MED13: variants seen among roughly 807,000 people sequenced by gnomAD.
The protein encoded by MED13 is mediator of RNA polymerase II transcription subunit 13.
A neutral mutation model predicts 225.2 loss-of-function variants in MED13; 23 were observed. The ratio of observed to expected loss-of-function variants is 0.10; its 90% confidence interval spans 0.07 to 0.14. The LOEUF (loss-of-function observed/expected upper bound fraction) is 0.14, where lower values mean the gene tolerates loss of function less well. Ranked by LOEUF, MED13 falls within the 10% of genes least tolerant of loss-of-function variation. MED13 has a pLI of 1.00. For synonymous variants in MED13, 942 were observed against 889.2 expected, an observed-to-expected ratio of 1.06 and a Z score of -1.06; for missense variants, 2,197 against 2,594.5, an observed-to-expected ratio of 0.85 and a Z score of 3.33.
chr17:62,015,626 T>G (rs1180360177), intron 8 of MED13, among the ~76,000 whole-genome samples: 1 of 150,622 alleles, frequency 6.6e-6, no homozygotes, highest in African/African-American at 2.4e-5. Flanking sequence ...CAGGCTGGAG[T>G]GCAGTGGCGT....
intron 27 of MED13, among the ~76,000 whole-genome samples, 185 bp downstream of exon 27, chr17:61,952,780 G>A (rs372638295): frequency 6.6e-6 from 1 of 152,152 alleles, no homozygotes; most frequent in Non-Finnish European, 1.5e-5. Flanking sequence ...GGGACTACAG[G>A]TGCGTGCCAC....
At chr17:62,040,472 A>G (rs1295879030) in intron 3 of MED13, among the ~76,000 whole-genome samples, 1 of 152,208 alleles carries the variant, frequency 6.6e-6, no homozygotes, top group African/African-American at 2.4e-5. Flanking sequence ...GAAAATGAAG[A>G]CGTGCTTATA....
At chr17:61,988,071 CG>C (rs1225521531) in intron 11 of MED13, among the ~76,000 whole-genome samples, 3 of 151,954 alleles carry the variant, frequency 2.0e-5, no homozygotes, top group Non-Finnish European at 4.4e-5. Context: ...GAAATGTAAA[CG>C]AAGAACAGAA....
chr17:61,957,248 T>C (rs964010223), intron 23 of MED13, among the ~76,000 whole-genome samples: 3 of 152,172 alleles, frequency 2.0e-5, no homozygotes, highest in Non-Finnish European at 2.9e-5. Flanking sequence ...GGTTTCACCA[T>C]GTTGGCCAGG....
intron 22 of MED13, 57 bp from the exon 23 acceptor site, chr17:61,961,147 ATTT>A: frequency 7.5e-7 from 1 of 1,338,500 alleles, no homozygotes; most frequent in African/African-American, 1.5e-5. Context: ...GAAATATTGC[ATTT>A]AAAATGTAAT....
chr17:61,967,265 C>A (rs570899572), intron 18 of MED13, among the ~76,000 whole-genome samples: 12 of 152,164 alleles, frequency 7.9e-5, no homozygotes, highest in Admixed American at 7.2e-4. Flanking sequence ...ATATAATATA[C>A]AATGTTTCCC....
intron 23 of MED13, among the ~76,000 whole-genome samples, chr17:61,960,143 T>TAA (rs1430914890): frequency 6.6e-6 from 1 of 152,214 alleles, no homozygotes; most frequent in East Asian, 1.9e-4. Context: ...CTTGAAATGT[T>TAA]TATTAAGTGA....
chr17:62,046,299 C>G (rs1334590522), intron 3 of MED13, among the ~76,000 whole-genome samples: 1 of 152,086 alleles, frequency 6.6e-6, no homozygotes, highest in Non-Finnish European at 1.5e-5. Flanking sequence ...TAAGAAAGTT[C>G]CTGTAAAAAA....
intron 19 of MED13, 151 bp downstream of exon 19, chr17:61,966,311 T>C (rs2080057341): frequency 1.6e-6 from 1 of 631,262 alleles, no homozygotes; most frequent in South Asian, 2.2e-5. Flanking sequence ...TGAAAACTAC[T>C]CAGCTCCAAT....
chr17:61,992,938 TG>T (rs2080312959), intron 10 of MED13, among the ~76,000 whole-genome samples: 1 of 152,166 alleles, frequency 6.6e-6, no homozygotes, highest in Non-Finnish European at 1.5e-5. Context: ...AGCTAATTTT[TG>T]TATTTTTAGT....
chr17:62,052,733 AAT>A (rs746114106), intron 2 of MED13, 28 bp from the exon 3 acceptor site: 2 of 1,519,600 alleles, frequency 1.3e-6, no homozygotes, highest in African/African-American at 2.8e-5. Flanking sequence ...GAAATAATAA[AAT>A]AGTGACACTA....
intron 16 of MED13, among the ~76,000 whole-genome samples, chr17:61,976,984 C>T (rs968376831): frequency 6.6e-6 from 1 of 152,144 alleles, no homozygotes; most frequent in African/African-American, 2.4e-5. Flanking sequence ...ACAAACTATA[C>T]TTTGTAGACT....
rs558829996 is a variant in MED13 at position 61,973,545 on chromosome 17, A to T, written c.3806-657T>A. On this transcript the variant is annotated intron_variant, in intron 16 of 29. Coordinates refer to ENST00000397786, the MANE Select transcript of MED13 (RefSeq NM_005121.3). Reference sequence around the variant, plus strand: ...TGGCTAAAGGAAAAATCACTAAAAGATATTGATATAATAAATGTGGCCCCC... The same window carrying T: ...TGGCTAAAGGAAAAATCACTAAAAGTTATTGATATAATAAATGTGGCCCCC... Among the ~76,000 whole-genome samples the T allele has an allele frequency of 1.5e-3, 236 of 152,340 alleles. 1 individual carries two copies. The highest frequency in any genetic ancestry group is 0.01 in the Middle Eastern group (3 of 294).
chr17:62,037,955 CAAAAAAAAAAA>C lies in MED13; in HGVS notation c.471-2358_471-2348del, dbSNP rs397857634. 1.7e-4 allele frequency among the ~76,000 whole-genome samples: 11 copies of C among 64,762 alleles called. 1 individual carries two copies. The highest frequency in any genetic ancestry group is 9.7e-4 in the East Asian group (2 of 2,066). The allele number at this position is 64,762 out of a possible 152,430, so 42.5% of individuals were successfully genotyped here. On this transcript the variant is annotated intron_variant, in intron 3 of 29. Transcript: ENST00000397786. The stretch of plus-strand genomic sequence containing the variant: ...TGGGCAACAGAGTGAGACTTCATCT[CAAAAAAAAAAA>C]AAAAAAAAAAAAAAAAAAAGACACA...
intron 2 of MED13, among the ~76,000 whole-genome samples, chr17:62,059,389 C>T (rs950839562): frequency 2.6e-5 from 4 of 152,092 alleles, no homozygotes; most frequent in Non-Finnish European, 5.9e-5. Flanking sequence ...CCAAGAAAAA[C>T]AAGGGCAATA....
intron 2 of MED13, among the ~76,000 whole-genome samples, chr17:62,056,462 A>G (rs575774267): frequency 9.2e-5 from 14 of 152,280 alleles, no homozygotes; most frequent in African/African-American, 1.7e-4. Context: ...CTTAATCTAT[A>G]TAACTATTTT....
chr17:61,966,898 A>C (rs114176193), intron 18 of MED13, among the ~76,000 whole-genome samples: 11,546 of 152,170 alleles, frequency 0.076, 1,505 homozygotes, highest in African/African-American at 0.26. Context: ...AAATTAAAAT[A>C]TCTCTAATGA....
chr17:62,064,772 G>A (rs932130734), intron 1 of MED13, among the ~76,000 whole-genome samples: 2 of 152,132 alleles, frequency 1.3e-5, no homozygotes, highest in African/African-American at 4.8e-5. Flanking sequence ...GGGAGCAGGG[G>A]CAATAATGTA....
chr17:61,946,891 A>C, intron 29 of MED13, 26 bp downstream of exon 29: 1 of 1,555,640 alleles, frequency 6.4e-7, no homozygotes, highest in African/African-American at 1.4e-5. Flanking sequence ...TGCAGTGACA[A>C]ACTGTTAATG....
Sources: gnomAD v4.1 joint callset for allele counts (sites outside exome capture counted in the v4.1 genomes callset) on GRCh38, gnomAD v4.1.1 for gene constraint, MANE v1.5 for transcripts, NCBI Gene and HGNC (gene_info 2026-07-23, HGNC 2026-07-21) for gene names.